Variants in EVPL observed in about 807,000 individuals in gnomAD.
The protein encoded by EVPL is envoplakin.
EVPL carries 94 observed loss-of-function variants against 129.7 expected under a neutral mutation model. The observed-to-expected ratio is 0.72, with a 90% confidence interval of 0.61 to 0.86. The LOEUF (loss-of-function observed/expected upper bound fraction) is 0.86, where lower values mean the gene tolerates loss of function less well. Among genes scored for constraint, EVPL ranks in the 40% least tolerant of loss-of-function variants. EVPL has a pLI of 0.00. For synonymous variants in EVPL, 1,172 were observed against 1,191.1 expected, an observed-to-expected ratio of 0.98 and a Z score of 0.33; for missense variants, 2,625 against 2,721.1, an observed-to-expected ratio of 0.96 and a Z score of 0.79.
In EVPL at chr17:76,023,587, T is replaced by C. The variant is rs1441507426; in HGVS notation, c.266A>G (p.Glu89Gly). 1.9e-6 allele frequency: 3 copies of C among 1,612,312 alleles called. No individual in the cohort carries two copies. The highest frequency in any genetic ancestry group is 1.3e-5 in the African/African-American group (1 of 74,990). The change falls in exon 3 of 22, where the codon GAG (glutamate) becomes GGG (glycine). Residue 89 changes from glutamate (E) to glycine (G), a missense_variant. Coordinates refer to ENST00000301607, the MANE Select transcript of EVPL (RefSeq NM_001988.4). ...HQQETGRSLK[E>G]AEVLLKDLFL... The stretch of plus-strand genomic sequence containing the variant: ...GAGGTCCTTGAGCAGCACCTCAGCC[T>C]CCTTCAGGCTGCGGCCCGTCTCCTG...
Position 76,021,966 on chromosome 17 carries a change from C to T in EVPL, c.708G>A (p.Thr236=), listed in dbSNP as rs1346835988. Residue 236 remains threonine (T), a synonymous_variant, in exon 7 of 22, where the codon ACG becomes ACA. Coordinates refer to ENST00000301607, the MANE Select transcript of EVPL (RefSeq NM_001988.4). ...GCTCAGCCAGGGCGCTCAGCTGCCG[C>T]GTGCAGCCCTGGAGGTGCGTGTACA... ...GSLYTHLQGC[T]RQLSALAEQQ... The T allele has an allele frequency of 1.9e-6, 3 of 1,560,974 alleles. No individual in the cohort carries two copies. Among genetic ancestry groups the T allele is most frequent in the Non-Finnish European group, 2.6e-6 (3 of 1,160,874 alleles).
In EVPL at chr17:76,019,003, TTC is replaced by T. The variant is rs781639063; in HGVS notation, c.1193_1194del (p.Arg398GlnfsTer37). ...TGTGGCAGAGGGGCCACATCCCGGC[TTC>T]GCCGCTGCAGGTCCCCAGTGGCCCT... is the stretch of plus-strand genomic sequence containing the variant. ...TERATGDLQR[R>X]SRDVAPLPQR... On this transcript the variant is annotated frameshift_variant, in exon 11 of 22. Transcript: ENST00000301607. LOFTEE classifies it high-confidence loss of function. 1 of 1,570,200 alleles carries T rather than the reference TTC, an allele frequency of 6.4e-7. No individual in the cohort carries two copies. Among genetic ancestry groups the T allele is most frequent in the South Asian group, 1.2e-5 (1 of 86,042 alleles).
Position 76,022,673 on chromosome 17 carries a change from A to C in EVPL, c.481-135T>G. ...ACGAGCCTGGGAGCAGCCCGGGTGC[A>C]TGCCCTGCAGCTCCCCCAGGGGCGA... On this transcript the variant is annotated intron_variant, in intron 4 of 21. Transcript: ENST00000301607. The surrounding 1 kb of genome is among the most constrained non-coding windows in gnomAD (Gnocchi z 5.6). 1 of 1,234,972 alleles carries C rather than the reference A, an allele frequency of 8.1e-7. No homozygotes were observed. 76.5% of individuals were successfully genotyped at this position (1,234,972 alleles called of 1,614,324 possible).
intron 9 of EVPL, among the ~76,000 whole-genome samples, chr17:76,020,826 G>A (rs1264785524): frequency 2.6e-5 from 4 of 152,012 alleles, no homozygotes; most frequent in Non-Finnish European, 5.9e-5. Context: ...CAAAGTGCTG[G>A]AATTACAGAT....
chr17:76,016,554 A>G (rs1234910820), intron 14 of EVPL, among the ~76,000 whole-genome samples: 1 of 152,186 alleles, frequency 6.6e-6, no homozygotes, highest in Non-Finnish European at 1.5e-5. Flanking sequence ...GGTTGAGGCT[A>G]CAGTGAGCCT....
At position 76,017,750 on chromosome 17, in the gene EVPL, G is replaced by T. The variant is rs761710925; in HGVS notation, c.1699C>A (p.His567Asn). Residue 567 changes from histidine (H) to asparagine (N), a missense_variant, in exon 14 of 22, where the codon CAC (histidine) becomes AAC (asparagine). His to Asn is a moderately conservative substitution (Grantham distance 68). Around this residue, in one of 4 missense-constraint regions of EVPL, gnomAD observed 1,024 missense variants for 997.5 expected, o/e 1.03. Coordinates refer to ENST00000301607, the MANE Select transcript of EVPL (RefSeq NM_001988.4). ...CGCTGCTCACCCACCTCATGGCTGT[G>T]GATGCGGCCCTCCAAGTCCTCCAAG... is the stretch of plus-strand genomic sequence containing the variant. ...TPLEDLEGRI[H>N]SHEGTAQRLQ... 2 of 1,612,192 alleles carry T rather than the reference G, an allele frequency of 1.2e-6. No individual in the cohort carries two copies. Among genetic ancestry groups the T allele is most frequent in the South Asian group, 1.1e-5 (1 of 91,062 alleles).
In EVPL at chr17:76,022,422, G is replaced by A. The variant is rs1356397334; in HGVS notation, c.597C>T (p.Leu199=). The A allele has an allele frequency of 1.9e-6, 3 of 1,613,688 alleles. No homozygotes were observed. Among genetic ancestry groups the A allele is most frequent in the Non-Finnish European group, 2.5e-6 (3 of 1,179,934 alleles). The change falls in exon 5 of 22, where the codon CTC becomes CTT. Residue 199 remains leucine (L), a synonymous_variant. Transcript: ENST00000301607. This position sits in a 1 kb window ranked among gnomAD's most constrained non-coding sequence, Gnocchi z 5.6. ...IDAYGQQLRS[L]VGPDAATIRS... is the part of the protein sequence containing the mutation. ...CTCCAGGCTCACCTACCGGCCCCAC[G>A]AGGCTCCGCAGCTGCTGCCCATAGG...
In EVPL at chr17:76,015,029, G is replaced by T. The variant is rs2066407226; in HGVS notation, c.2109C>A (p.Cys703Ter). 1 of 1,593,604 alleles carries T rather than the reference G, an allele frequency of 6.3e-7. No individual in the cohort carries two copies. The highest frequency in any genetic ancestry group is 2.2e-5 in the East Asian group (1 of 44,646). ...HRALKASEHA[C>*]AALQNNFQEF... ...CCTGGAAGTTGTTCTGCAGGGCAGC[G>T]CATGCGTGCTCCGAGGCCTTCAGCG... The change falls in exon 17 of 22, where the codon TGC becomes TGA. Residue 703 changes from cysteine to a stop codon, truncating the protein, a stop_gained. Coordinates refer to ENST00000301607, the MANE Select transcript of EVPL (RefSeq NM_001988.4). LOFTEE classifies it high-confidence loss of function.
intron 1 of EVPL, among the ~76,000 whole-genome samples, chr17:76,026,868 G>C (rs541466869): frequency 1.5e-3 from 232 of 152,380 alleles, no homozygotes; most frequent in African/African-American, 5.5e-3. Context: ...GAGGATGTAG[G>C]GAGCCCCAGG....
At position 76,009,765 on chromosome 17, in the gene EVPL, C is replaced by T. The variant is rs766186081; in HGVS notation, c.3440G>A (p.Gly1147Glu). 6.2e-7 allele frequency: 1 copy of T among 1,613,850 alleles called. No individual in the cohort carries two copies. The highest frequency in any genetic ancestry group is 8.5e-7 in the Non-Finnish European group (1 of 1,180,010). The change falls in exon 22 of 22, where the codon GGG becomes GAG. Residue 1147 changes from glycine to glutamate, a missense_variant. Coordinates refer to ENST00000301607, the MANE Select transcript of EVPL (RefSeq NM_001988.4). The surrounding 1 kb of genome is among the most constrained non-coding windows in gnomAD (Gnocchi z 5.9). ...CAGCCTGGAGGACTCCTGGAGGAGC[C>T]CTGGGTCCTGCTCCACCTTCTTCAC... ...KEVKKVEQDP[G>E]LLQESSRLRS... is the part of the protein sequence containing the mutation.
chr17:76,008,328 C>T lies in EVPL; in HGVS notation c.4877G>A (p.Ser1626Asn), dbSNP rs1203640689. The T allele has an allele frequency of 6.2e-7, 1 of 1,606,636 alleles. No individual in the cohort carries two copies. The highest frequency in any genetic ancestry group is 8.5e-7 in the Non-Finnish European group (1 of 1,179,854). ...CCGCTGGGCCGCCTTCTGTCGCTCG[C>T]TCTCCGTCTTCTGGCTGAGCAGCTT... ...ESKLLSQKTE[S>N]ERQKAAQRGQ... The change falls in exon 22 of 22, where the codon AGC (serine) becomes AAC (asparagine). Residue 1626 changes from serine to asparagine, a missense_variant. Coordinates refer to ENST00000301607, the MANE Select transcript of EVPL (RefSeq NM_001988.4). The surrounding 1 kb of genome is among the most constrained non-coding windows in gnomAD (Gnocchi z 7.4).
chr17:76,016,438 C>T (rs1002982554), intron 14 of EVPL, among the ~76,000 whole-genome samples: 5 of 152,212 alleles, frequency 3.3e-5, no homozygotes, highest in Non-Finnish European at 7.3e-5. Context: ...TCTAACTGGG[C>T]TTCTCCTGGA....
chr17:76,007,289 C>A lies in EVPL; in HGVS notation c.5916G>T (p.Leu1972=). The A allele has an allele frequency of 1.3e-6, 2 of 1,555,466 alleles. No homozygotes were observed. Among genetic ancestry groups the A allele is most frequent in the South Asian group, 2.4e-5 (2 of 83,584 alleles). ...GMISEELAQL[L]QDESSYEKDL... ...CCTTCTCGTAGCTGGACTCGTCCTG[C>A]AGGAGCTGGGCCAGCTCTTCACTGA... Residue 1972 remains leucine, a synonymous_variant, in exon 22 of 22, where the codon CTG becomes CTT. Coordinates refer to ENST00000301607, the MANE Select transcript of EVPL (RefSeq NM_001988.4). This position sits in a 1 kb window ranked among gnomAD's most constrained non-coding sequence, Gnocchi z 8.8.
Position 76,009,388 on chromosome 17 carries a change from G to A in EVPL, c.3817C>T (p.Leu1273=), listed in dbSNP as rs2066354707. 6.2e-7 allele frequency: 1 copy of A among 1,613,888 alleles called. No homozygotes were observed. Among genetic ancestry groups the A allele is most frequent in the Admixed American group, 1.7e-5 (1 of 60,004 alleles). The stretch of plus-strand genomic sequence containing the variant: ...ACGAGCTCGTTGAGCTGAGCCTTCA[G>A]GCGGTCGATCTCACGCAGCACCTCG... ...SPEVLREIDR[L]KAQLNELVNS... The change falls in exon 22 of 22, where the codon CTG becomes TTG. Residue 1273 remains leucine (L), a synonymous_variant. Transcript: ENST00000301607. The surrounding 1 kb of genome is among the most constrained non-coding windows in gnomAD (Gnocchi z 5.9).
chr17:76,011,830 G>A lies in EVPL; in HGVS notation c.2510C>T (p.Ala837Val). ...TYRCSLEPTL[A>V]VSAPKRPRVA... ...TCGGGGTCTCTTGGGGGCTGACACT[G>A]CCAGGGTGGGCTCCAAAGAGCAGCG... The change falls in exon 20 of 22, where the codon GCA (alanine) becomes GTA (valine). Residue 837 changes from alanine to valine, a missense_variant. Physicochemically the swap from Ala to Val is moderately conservative, Grantham distance 64 (BLOSUM62 0). Transcript: ENST00000301607. 1 of 1,613,182 alleles carries A rather than the reference G, an allele frequency of 6.2e-7. No individual in the cohort carries two copies.
In EVPL at chr17:76,008,440, C is replaced by A; in HGVS notation, c.4765G>T (p.Asp1589Tyr). 2 of 1,591,682 alleles carry A rather than the reference C, an allele frequency of 1.3e-6. No homozygotes were observed. Among genetic ancestry groups the A allele is most frequent in the South Asian group, 1.1e-5 (1 of 89,790 alleles). ...SELQRARDQA[D>Y]QECGRLQQEL... is the part of the protein sequence containing the mutation. Reference sequence around the variant, plus strand: ...TGCTGCAGCCGCCCACACTCCTGGTCGGCCTGGTCCCGGGCCCTCTGCAGC... The same window carrying A: ...TGCTGCAGCCGCCCACACTCCTGGTAGGCCTGGTCCCGGGCCCTCTGCAGC... The change falls in exon 22 of 22, where the codon GAC (aspartate) becomes TAC (tyrosine). Residue 1589 changes from aspartate to tyrosine, a missense_variant. Coordinates refer to ENST00000301607, the MANE Select transcript of EVPL (RefSeq NM_001988.4). The surrounding 1 kb of genome is among the most constrained non-coding windows in gnomAD (Gnocchi z 7.4).
At position 76,010,507 on chromosome 17, in the gene EVPL, C is replaced by T. The variant is rs766658055; in HGVS notation, c.2698G>A (p.Ala900Thr). Residue 900 changes from alanine to threonine, a missense_variant, in exon 22 of 22, where the codon GCA (alanine) becomes ACA (threonine). Ala to Thr is a moderately conservative substitution (Grantham distance 58). Coordinates refer to ENST00000301607, the MANE Select transcript of EVPL (RefSeq NM_001988.4). The part of the protein sequence containing the change: ...LSEDIRRTHD[A>T]KQGSESPAQA... ...GCAGGGCTCTCGGAGCCCTGCTTTG[C>T]ATCATGGGTCCTTCGGATGTCCTCA... 162 of 1,613,690 alleles carry T rather than the reference C, an allele frequency of 1.0e-4. No homozygotes were observed. The highest frequency in any genetic ancestry group is 2.5e-4 in the African/African-American group (19 of 74,830).
chr17:76,024,238 C>T lies in EVPL; in HGVS notation c.99-118G>A. On this transcript the variant is annotated intron_variant, in intron 1 of 21. Coordinates refer to ENST00000301607, the MANE Select transcript of EVPL (RefSeq NM_001988.4). The surrounding 1 kb of genome is among the most constrained non-coding windows in gnomAD (Gnocchi z 4.5). ...CTGCCCCCACAGCCTAGCTCACTGC[C>T]CTGACTTTGGGGTCTCTCTCTGCAG... is the stretch of plus-strand genomic sequence containing the variant. The T allele has an allele frequency of 3.1e-6, 3 of 963,638 alleles. No homozygotes were observed. Among genetic ancestry groups the T allele is most frequent in the South Asian group, 3.0e-5 (2 of 67,084 alleles). The allele number at this position is 963,638 out of a possible 1,614,324, so 59.7% of individuals were successfully genotyped here.
Position 76,009,107 on chromosome 17 carries a change from G to C in EVPL, c.4098C>G (p.Pro1366=), listed in dbSNP as rs752563754. ...SKRLLLERRK[P]EEKVVVQEVV... ...CCTCCTGCACCACCACCTTCTCCTCGGGCTTCCTCCTCTCCAGCAGCAGGC... is the reference window on the plus strand; with the variant it reads ...CCTCCTGCACCACCACCTTCTCCTCCGGCTTCCTCCTCTCCAGCAGCAGGC... The change falls in exon 22 of 22, where the codon CCC becomes CCG. Residue 1366 remains proline, a synonymous_variant. Transcript: ENST00000301607. This position sits in a 1 kb window ranked among gnomAD's most constrained non-coding sequence, Gnocchi z 5.9. The C allele has an allele frequency of 1.2e-6, 2 of 1,612,690 alleles. No individual in the cohort carries two copies. The highest frequency in any genetic ancestry group is 2.2e-5 in the South Asian group (2 of 91,016).
Sources: gnomAD v4.1 joint callset for allele counts (sites outside exome capture counted in the v4.1 genomes callset) on GRCh38, gnomAD v4.1.1 for gene constraint, gnomAD v4.1.1 regional missense constraint, Gnocchi (gnomAD v3.1) non-coding constraint, MANE v1.5 for transcripts, NCBI Gene and HGNC (gene_info 2026-07-23, HGNC 2026-07-21) for gene names.